The following KIFC3 variants were observed in gnomAD, a reference collection of about 807,000 sequenced individuals.
The protein encoded by KIFC3 is kinesin family member C3.
Under a neutral mutation model 101.8 loss-of-function variants are expected in KIFC3, and 60 were observed. The ratio of observed to expected loss-of-function variants is 0.59; its 90% confidence interval spans 0.48 to 0.73. The LOEUF is 0.73. KIFC3 is among the 30% of genes least tolerant of loss of function. KIFC3 has a pLI of 0.00. For synonymous variants in KIFC3, 476 were observed against 482.7 expected (o/e 0.99, Z 0.18); for missense variants, 966 against 1,137.1 (o/e 0.85, Z 2.16).
intron 1 of KIFC3, among the ~76,000 whole-genome samples, chr16:57,827,661 C>T (rs1555631002): frequency 6.6e-6 from 1 of 152,180 alleles, no homozygotes; most frequent in Non-Finnish European, 1.5e-5. Flanking sequence ...TGGGCTTAAG[C>T]AACCACGAGG....
At chr16:57,843,816 T>C (rs1248319135) in intron 1 of KIFC3, among the ~76,000 whole-genome samples, 1 of 152,156 alleles carries the variant, frequency 6.6e-6, no homozygotes, top group Non-Finnish European at 1.5e-5. Flanking sequence ...CTGGAGATGT[T>C]TCTTTCCTTG....
At chr16:57,788,815 G>A (rs959748382) in intron 3 of KIFC3, 2 of 1,130,038 alleles carry the variant, frequency 1.8e-6, no homozygotes, top group Non-Finnish European at 2.3e-6. Context: ...AGGATCCCAG[G>A]GCCCAGCGGG....
At chr16:57,812,006 G>C (rs1366325096) in intron 1 of KIFC3, among the ~76,000 whole-genome samples, 3 of 149,924 alleles carry the variant, frequency 2.0e-5, no homozygotes, top group African/African-American at 7.3e-5. Context: ...TCAGACCACT[G>C]CACTACAGCC....
chr16:57,759,776 C>T lies in KIFC3; in HGVS notation c.2428G>A (p.Gly810Arg). 6.2e-7 allele frequency: 1 copy of T among 1,611,514 alleles called. No individual in the cohort carries two copies. Among genetic ancestry groups the T allele is most frequent in the Non-Finnish European group, 8.5e-7 (1 of 1,179,054 alleles). ...ATGGATCCAGGGCGGCTACTGGTCC[C>T]AGAGCTGGGGGCTGAGTGGGCCCGT... ...SARAHSAPSS[G>R]TSSRPGSIRR... The change falls in exon 18 of 20, where the codon GGG (glycine) becomes AGG (arginine). Residue 810 changes from glycine (G) to arginine (R), a missense_variant. This residue lies in a region of KIFC3 where 689 missense variants were observed against 884.6 expected (regional missense o/e 0.78). Coordinates refer to ENST00000445690, the MANE Select transcript of KIFC3 (RefSeq NM_001130100.2).
upstream of KIFC3, among the ~76,000 whole-genome samples, chr16:57,803,974 T>C (rs1315485160): frequency 6.6e-6 from 1 of 152,158 alleles, no homozygotes; most frequent in Admixed American, 6.5e-5. Flanking sequence ...TTATAGTCCC[T>C]ATGAGTTGAT....
intron 12 of KIFC3, among the ~76,000 whole-genome samples, chr16:57,762,733 G>A (rs2050013776): frequency 6.6e-6 from 1 of 152,162 alleles, no homozygotes; most frequent in African/African-American, 2.4e-5. Flanking sequence ...GGGTGGGCCG[G>A]CCTTTCTAGA....
intron 17 of KIFC3, 177 bp from the exon 18 acceptor site, chr16:57,760,013 T>C (rs1719659229): frequency 9.8e-6 from 6 of 614,918 alleles, no homozygotes; most frequent in East Asian, 2.8e-5. Flanking sequence ...AGATAATTCA[T>C]GTAAAGAAGT....
chr16:57,804,157 AAAGT>A (rs200633300), upstream of KIFC3, among the ~76,000 whole-genome samples: 653 of 152,328 alleles, frequency 4.3e-3, 5 homozygotes, highest in African/African-American at 0.015. Flanking sequence ...TTTGATTACA[AAAGT>A]AATAGATGTT....
intron 1 of KIFC3, among the ~76,000 whole-genome samples, chr16:57,837,238 C>T (rs1158487805): frequency 6.6e-6 from 1 of 152,150 alleles, no homozygotes; most frequent in South Asian, 2.1e-4. Context: ...GAGGCCGAGA[C>T]GGGTGGATTG....
chr16:57,764,275 T>TGGG, intron 11 of KIFC3, 28 bp from the exon 12 acceptor site: 7 of 539,916 alleles, frequency 1.3e-5, no homozygotes, highest in East Asian at 4.6e-5. Context: ...GGGAGGCTGG[T>TGGG]GGGGGGGCTT....
At chr16:57,823,353 T>C (rs2055390391) in intron 1 of KIFC3, among the ~76,000 whole-genome samples, 1 of 152,188 alleles carries the variant, frequency 6.6e-6, no homozygotes, top group Non-Finnish European at 1.5e-5. Context: ...TGGATTGATA[T>C]ATTATGTCTC....
At chr16:57,814,982 C>G (rs1384304475) in intron 1 of KIFC3, among the ~76,000 whole-genome samples, 4 of 152,136 alleles carry the variant, frequency 2.6e-5, no homozygotes, top group Non-Finnish European at 5.9e-5. Context: ...TCAAACTCAG[C>G]AAAATTCAAA....
intron 1 of KIFC3, among the ~76,000 whole-genome samples, chr16:57,845,881 A>G (rs1440781958): frequency 2.6e-5 from 4 of 151,990 alleles, no homozygotes; most frequent in African/African-American, 9.7e-5. Context: ...ATCTTTTTCT[A>G]CATTGTTTGC....
intron 18 of KIFC3, 110 bp downstream of exon 18, chr16:57,759,618 G>GT: frequency 1.2e-6 from 1 of 804,938 alleles, no homozygotes. Flanking sequence ...TGGAGAAGGT[G>GT]TAAGAACTTT....
intron 1 of KIFC3, among the ~76,000 whole-genome samples, chr16:57,812,143 C>T (rs1470138946): frequency 1.3e-5 from 2 of 150,978 alleles, no homozygotes; most frequent in African/African-American, 2.4e-5. Context: ...CTAGGGTTCA[C>T]GCCATTCTCC....
intron 3 of KIFC3, among the ~76,000 whole-genome samples, chr16:57,778,206 G>A (rs2052341198): frequency 6.6e-6 from 1 of 152,194 alleles, no homozygotes; most frequent in African/African-American, 2.4e-5. Flanking sequence ...CTTGAGCCCA[G>A]GAGGCCAAGG....
intron 1 of KIFC3, 133 bp from the exon 2 acceptor site, chr16:57,798,415 A>G: frequency 2.5e-6 from 2 of 784,464 alleles, no homozygotes; most frequent in East Asian, 5.4e-5. Context: ...CTCCAACTGC[A>G]CTGTCCCCCA....
chr16:57,816,974 A>T (rs371165478), intron 1 of KIFC3: 1 of 331,126 alleles, frequency 3.0e-6, no homozygotes, highest in African/African-American at 2.1e-5. Flanking sequence ...GCACCATGGC[A>T]TGGAGCACTT....
intron 7 of KIFC3, among the ~76,000 whole-genome samples, 191 bp downstream of exon 7, chr16:57,770,336 G>A (rs1217463519): frequency 6.6e-6 from 1 of 152,240 alleles, no homozygotes; most frequent in Non-Finnish European, 1.5e-5. Flanking sequence ...GTGGGTTCTG[G>A]GACCAGATCG....
Sources: gnomAD v4.1 joint callset for allele counts (sites outside exome capture counted in the v4.1 genomes callset) on GRCh38, gnomAD v4.1.1 for gene constraint, gnomAD v4.1.1 regional missense constraint, MANE v1.5 for transcripts, NCBI Gene and HGNC (gene_info 2026-07-23, HGNC 2026-07-21) for gene names.